The following LRRC37A2 variants were observed in gnomAD, a reference collection of about 807,000 sequenced individuals.
LRRC37A2 encodes the protein leucine-rich repeat-containing protein 37A2.
A neutral mutation model predicts 68.8 loss-of-function variants in LRRC37A2; 9 were observed. That is an observed-to-expected ratio of 0.13 (90% CI 0.08 to 0.23). LRRC37A2 has a LOEUF of 0.23. LRRC37A2 is among the 10% of genes least tolerant of loss of function. LRRC37A2 has a pLI of 1.00. For missense variants in LRRC37A2, 168 were observed against 950.4 expected, an observed-to-expected ratio of 0.18 and a Z score of 10.82; for synonymous variants, 63 against 367.6, an observed-to-expected ratio of 0.17 and a Z score of 9.48.
At chr17:46,939,263 C>T in the LRRC37A2 span, 5 of 1,035,992 alleles carry the variant, frequency 4.8e-6, no homozygotes, top group Non-Finnish European at 5.8e-6. Flanking sequence ...TGGCCACCCT[C>T]CCCTGTGCCT....
At chr17:46,748,889 A>T in the LRRC37A2 span, among the ~76,000 whole-genome samples, 1 of 152,250 alleles carries the variant, frequency 6.6e-6, no homozygotes, top group Non-Finnish European at 1.5e-5. Context: ...AGTACTCTGC[A>T]TGGCCTAGCT....
At chr17:46,779,103 A>ACACACACACACACCCCCCC in the LRRC37A2 span, among the ~76,000 whole-genome samples, 5 of 133,586 alleles carry the variant, frequency 3.7e-5, no homozygotes, top group East Asian at 2.5e-4. Context: ...ACACACACAC[A>ACACACACACACACCCCCCC]CCCCAGCCCA....
the LRRC37A2 span, among the ~76,000 whole-genome samples, chr17:46,942,291 G>A: frequency 6.6e-6 from 1 of 152,240 alleles, no homozygotes; most frequent in Non-Finnish European, 1.5e-5. Context: ...TAAACAGCTT[G>A]CCTGTAGGCC....
At chr17:46,534,677 C>T (rs1419155602) in intron 6 of LRRC37A2, among the ~76,000 whole-genome samples, 19 of 149,934 alleles carry the variant, frequency 1.3e-4, no homozygotes, top group South Asian at 6.3e-4. Flanking sequence ...AAACCACCAT[C>T]GTCATCATGG....
the LRRC37A2 span, among the ~76,000 whole-genome samples, chr17:46,767,037 C>A: frequency 6.6e-6 from 1 of 152,122 alleles, no homozygotes; most frequent in African/African-American, 2.4e-5. Flanking sequence ...AATTCCAACA[C>A]CCATGCTCAT....
At chr17:46,918,351 T>G in the LRRC37A2 span, among the ~76,000 whole-genome samples, 1 of 152,216 alleles carries the variant, frequency 6.6e-6, no homozygotes, top group African/African-American at 2.4e-5. Context: ...GTGCTGGGAT[T>G]ACAGGCGTGA....
chr17:46,773,187 C>A, the LRRC37A2 span, among the ~76,000 whole-genome samples: 1 of 152,118 alleles, frequency 6.6e-6, no homozygotes, highest in Non-Finnish European at 1.5e-5. Context: ...TGGGCATATC[C>A]AGCTGACAGG....
At chr17:46,712,165 G>A in the LRRC37A2 span, among the ~76,000 whole-genome samples, 1 of 151,900 alleles carries the variant, frequency 6.6e-6, no homozygotes, top group Non-Finnish European at 1.5e-5. Flanking sequence ...TTTGAAGTAT[G>A]TGGAGTAGTG....
chr17:46,595,483 T>C, the LRRC37A2 span, among the ~76,000 whole-genome samples: 2 of 106,514 alleles, frequency 1.9e-5, no homozygotes, highest in Non-Finnish European at 3.2e-5. Flanking sequence ...ATTCCTCCTA[T>C]CACTGGATCT....
the LRRC37A2 span, among the ~76,000 whole-genome samples, chr17:46,986,362 G>A: frequency 2.9e-3 from 440 of 152,246 alleles, 2 homozygotes; most frequent in African/African-American, 9.8e-3. Context: ...CGGGCCTGGC[G>A]CAGTGCCTGG....
At chr17:46,900,182 T>TAC in the LRRC37A2 span, among the ~76,000 whole-genome samples, 338 of 122,234 alleles carry the variant, frequency 2.8e-3, 8 homozygotes, top group African/African-American at 0.014. Flanking sequence ...TATATATATA[T>TAC]ATATATATAT....
At position 46,520,931 on chromosome 17, in the gene LRRC37A2, G is replaced by A. The variant is rs375693748; in HGVS notation, c.2753+648G>A. ...AATTAACATTTAAATATTAAAAATA[G>A]CTGAATTATATCAATATTATCATCA... On this transcript the variant is annotated intron_variant, in intron 4 of 14. Transcript: ENST00000576629. 5.0e-5 allele frequency among the ~76,000 whole-genome samples: 4 copies of A among 80,556 alleles called. 1 individual carries two copies. In the East Asian group the frequency reaches 9.7e-4, roughly 19 times the overall value. 52.8% of individuals were successfully genotyped at this position (80,556 alleles called of 152,430 possible).
the LRRC37A2 span, chr17:46,979,170 T>G: frequency 2.8e-6 from 2 of 719,318 alleles, no homozygotes; most frequent in Non-Finnish European, 4.0e-6. Context: ...TCGGGCCGCC[T>G]ACCCCTGGGC....
At chr17:47,009,285 C>A in the LRRC37A2 span, among the ~76,000 whole-genome samples, 1 of 151,988 alleles carries the variant, frequency 6.6e-6, no homozygotes, top group African/African-American at 2.4e-5. Flanking sequence ...TATTTAACAC[C>A]CTGTTAGTTT....
At chr17:46,759,404 T>TG in the LRRC37A2 span, among the ~76,000 whole-genome samples, 2 of 152,244 alleles carry the variant, frequency 1.3e-5, no homozygotes, top group Non-Finnish European at 2.9e-5. Context: ...CGCCTGTGAT[T>TG]GGCAAGCATC....
the LRRC37A2 span, among the ~76,000 whole-genome samples, chr17:46,503,399 A>G: frequency 6.8e-6 from 1 of 147,400 alleles, no homozygotes; most frequent in Non-Finnish European, 1.5e-5. Context: ...AGAATAAGAT[A>G]TGTTTTCCTC....
the LRRC37A2 span, among the ~76,000 whole-genome samples, chr17:46,850,918 C>T: frequency 6.6e-6 from 1 of 152,146 alleles, no homozygotes; most frequent in Non-Finnish European, 1.5e-5. Flanking sequence ...TTGTCAAAAG[C>T]CCACGGAGGC....
At chr17:46,502,199 A>G in the LRRC37A2 span, among the ~76,000 whole-genome samples, 12 of 151,308 alleles carry the variant, frequency 7.9e-5, 1 homozygote, top group African/African-American at 2.2e-4. Flanking sequence ...ATGTTCTACA[A>G]GTTAATAGAT....
chr17:46,766,563 C>T, the LRRC37A2 span, among the ~76,000 whole-genome samples: 2 of 152,108 alleles, frequency 1.3e-5, no homozygotes, highest in Non-Finnish European at 2.9e-5. Flanking sequence ...GTTCAGATAC[C>T]GACAAAGGTA....
Sources: allele counts gnomAD v4.1 joint callset (sites outside exome capture counted in the v4.1 genomes callset), GRCh38; gene constraint gnomAD v4.1.1; transcripts MANE v1.5; gene names NCBI Gene and HGNC (gene_info 2026-07-23, HGNC 2026-07-21).